The following PCTP variants were observed in gnomAD, a reference collection of about 807,000 sequenced individuals.
PCTP encodes START domain-containing protein 2.
In PCTP, 27 loss-of-function variants were observed where a neutral mutation model predicts 31.0. The observed-to-expected ratio is 0.87, with a 90% CI of 0.64 to 1.20. PCTP has a LOEUF of 1.20. PCTP is among the 50% of genes most tolerant of loss of function. The pLI is 0.00. For synonymous variants in PCTP, 108 were observed against 101.2 expected (o/e 1.07, Z -0.40); for missense variants, 287 against 268.2 (o/e 1.07, Z -0.49).
downstream of PCTP, among the ~76,000 whole-genome samples, chr17:55,824,163 T>C (rs958749768): frequency 6.6e-6 from 1 of 152,122 alleles, no homozygotes; most frequent in Non-Finnish European, 1.5e-5. Flanking sequence ...AATCAACTTG[T>C]CTAATGCACT....
intron 1 of PCTP, among the ~76,000 whole-genome samples, chr17:55,756,385 A>T (rs1284128328): frequency 2.0e-5 from 3 of 152,212 alleles, no homozygotes; most frequent in Non-Finnish European, 4.4e-5. Context: ...GGGTGATGTG[A>T]TGTGTTTCAG....
At chr17:55,783,145 A>C (rs930975909) in intron 2 of PCTP, among the ~76,000 whole-genome samples, 2 of 152,160 alleles carry the variant, frequency 1.3e-5, no homozygotes, top group African/African-American at 4.8e-5. Flanking sequence ...ACAAATTTTT[A>C]GTTCTTTTTT....
chr17:55,775,245 C>G (rs1352054434), intron 5 of PCTP: 1 of 1,238,444 alleles, frequency 8.1e-7, no homozygotes, highest in East Asian at 3.1e-5. Flanking sequence ...CAGATGTGTC[C>G]AAGCCTGAGG....
intron 3 of PCTP, among the ~76,000 whole-genome samples, chr17:55,821,910 C>T (rs1407607854): frequency 1.3e-5 from 2 of 152,162 alleles, no homozygotes; most frequent in Non-Finnish European, 2.9e-5. Context: ...CACCCTGGAA[C>T]TGGGGTGAGG....
intron 5 of PCTP, among the ~76,000 whole-genome samples, chr17:55,829,081 A>T (rs1905507483): frequency 1.3e-5 from 2 of 151,968 alleles, no homozygotes; most frequent in Non-Finnish European, 1.5e-5. Context: ...AGAAGAGGAG[A>T]CAGTGGGGCT....
chr17:55,816,498 A>G (rs765122761), intron 3 of PCTP, among the ~76,000 whole-genome samples: 3 of 152,240 alleles, frequency 2.0e-5, no homozygotes, highest in East Asian at 1.9e-4. Flanking sequence ...TTTAGGATCA[A>G]TATAGCTCAT....
At chr17:55,804,024 A>G (rs1912489344) in intron 3 of PCTP, among the ~76,000 whole-genome samples, 1 of 152,196 alleles carries the variant, frequency 6.6e-6, no homozygotes, top group African/African-American at 2.4e-5. Context: ...ACAAGAAAAA[A>G]ACAACCCCAT....
rs576152321 is a variant in PCTP at position 55,817,244 on chromosome 17, T to G, written c.318-5517T>G. Among the ~76,000 whole-genome samples, 3 of 152,216 alleles carry G rather than the reference T, an allele frequency of 2.0e-5. No homozygotes were observed. The South Asian group carries it at 6.2e-4, about 32-fold the overall frequency. On this transcript the variant is annotated intron_variant, in intron 3 of 3. Transcript: ENST00000572536. ...GGCAAGGATTAAAACCAAGAGTCTT[T>G]TGGGGGTTGTTGGGTATTGTCATCC...
downstream of PCTP, among the ~76,000 whole-genome samples, chr17:55,782,097 A>G (rs1268270675): frequency 6.6e-6 from 1 of 152,228 alleles, no homozygotes; most frequent in Non-Finnish European, 1.5e-5. Flanking sequence ...TTTCAGTTCA[A>G]GTCTGAAGGC....
At chr17:55,759,293 G>C (rs920472704) in intron 1 of PCTP, among the ~76,000 whole-genome samples, 14 of 152,182 alleles carry the variant, frequency 9.2e-5, no homozygotes, top group African/African-American at 2.9e-4. Flanking sequence ...AGTGCCTGCT[G>C]TTCAGTTAAT....
downstream of PCTP, among the ~76,000 whole-genome samples, chr17:55,847,648 G>A (rs1426648721): frequency 6.6e-6 from 1 of 152,156 alleles, no homozygotes; most frequent in Non-Finnish European, 1.5e-5. Flanking sequence ...GGTAGTGTAA[G>A]TTCCAGTCTG....
At position 55,771,164 on chromosome 17, in the gene PCTP, T is replaced by C; in HGVS notation, c.318T>C (p.Pro106=). Residue 106 remains proline, a synonymous_variant, in exon 3 of 6, where the codon CCT becomes CCC. Transcript: ENST00000268896. ...ETVVYWEVKY[P]FPMSNRDYVY... ...TGGTCTACTGGGAAGTGAAGTACCC[T>C]TTTCCCATGTCCAACAGAGACGTAT... 6.2e-7 allele frequency: 1 copy of C among 1,610,344 alleles called. No individual in the cohort carries two copies. Among genetic ancestry groups the C allele is most frequent in the East Asian group, 2.2e-5 (1 of 44,854 alleles).
the PCTP span, among the ~76,000 whole-genome samples, chr17:55,850,346 AG>A: frequency 3.4e-4 from 52 of 152,336 alleles, no homozygotes; most frequent in South Asian, 3.3e-3. Flanking sequence ...AATACCTAAA[AG>A]CTTATTAAAC....
In PCTP at chr17:55,774,852, C is replaced by T. The variant is rs867633276; in HGVS notation, c.572C>T (p.Ala191Val). 6.3e-7 allele frequency: 1 copy of T among 1,590,334 alleles called. No homozygotes were observed. Among genetic ancestry groups the T allele is most frequent in the Non-Finnish European group, 8.5e-7 (1 of 1,170,644 alleles). Residue 191 changes from alanine (A) to valine (V), a missense_variant, in exon 5 of 6, where the codon GCC becomes GTC. Physicochemically the swap from Ala to Val is moderately conservative, Grantham distance 64. Coordinates refer to ENST00000268896, the MANE Select transcript of PCTP (RefSeq NM_021213.4). ...GQIPSWLINWAAKNGVPNFLK... is the reference protein window; with the variant it reads ...GQIPSWLINWVAKNGVPNFLK... ...ATTCCGTCCTGGCTCATTAACTGGGCCGCCAAGGTGAGATCCCAGGAGGTG... is the reference window on the plus strand; with the variant it reads ...ATTCCGTCCTGGCTCATTAACTGGGTCGCCAAGGTGAGATCCCAGGAGGTG...
chr17:55,754,300 G>T (rs1334394678), intron 1 of PCTP, among the ~76,000 whole-genome samples: 4 of 152,192 alleles, frequency 2.6e-5, no homozygotes, highest in Non-Finnish European at 4.4e-5. Flanking sequence ...GGGATCCCAT[G>T]ACCCCCTCCT....
At chr17:55,811,846 A>G (rs932382319) in intron 3 of PCTP, among the ~76,000 whole-genome samples, 11 of 152,162 alleles carry the variant, frequency 7.2e-5, no homozygotes, top group African/African-American at 2.7e-4. Flanking sequence ...TTTTTGCTGG[A>G]AGTGACCTAG....
chr17:55,786,145 G>A (rs748547427), intron 2 of PCTP, among the ~76,000 whole-genome samples: 12 of 151,710 alleles, frequency 7.9e-5, no homozygotes, highest in Non-Finnish European at 1.6e-4. Context: ...TTAGCTAGGC[G>A]TGGTGGCGCA....
rs1025243598 is a variant in PCTP, at chr17:55,751,157, C to T, written c.54C>T (p.Ala18=). The T allele has an allele frequency of 1.9e-6, 3 of 1,548,238 alleles. No homozygotes were observed. Among genetic ancestry groups the T allele is most frequent in the East Asian group, 2.4e-5 (1 of 40,874 alleles). Residue 18 remains alanine, a synonymous_variant, in exon 1 of 6, where the codon GCC becomes GCT. Transcript: ENST00000268896. ...FSEEQFWEAC[A]ELQQPALAGA... is the part of the protein sequence containing the mutation. ...AGGAGCAGTTCTGGGAGGCCTGCGC[C>T]GAGCTCCAGCAGCCCGCTCTGGCCG...
intron 3 of PCTP, among the ~76,000 whole-genome samples, chr17:55,805,592 A>G (rs973678323): frequency 6.6e-6 from 1 of 151,870 alleles, no homozygotes; most frequent in Non-Finnish European, 1.5e-5. Context: ...ACATATATGT[A>G]TATATATACA....
Sources: allele counts gnomAD v4.1 joint callset (sites outside exome capture counted in the v4.1 genomes callset), GRCh38; gene constraint gnomAD v4.1.1; transcripts MANE v1.5; gene names NCBI Gene and HGNC (gene_info 2026-07-23, HGNC 2026-07-21).